The following SPATA22 variants were observed in gnomAD, a reference collection of about 807,000 sequenced individuals.
SPATA22 encodes the protein spermatogenesis associated 22.
SPATA22 carries 29 observed loss-of-function variants against 47.8 expected under a neutral mutation model. The ratio of observed to expected loss-of-function variants is 0.61; its 90% CI spans 0.45 to 0.83. The LOEUF (loss-of-function observed/expected upper bound fraction) is 0.83. SPATA22 is among the 40% of genes least tolerant of loss of function. The pLI, the probability that SPATA22 is intolerant of heterozygous loss-of-function variation, is 0.00. For missense variants in SPATA22, 410 were observed against 421.7 expected (o/e 0.97, Z 0.24); for synonymous variants, 133 against 140.9 (o/e 0.94, Z 0.40).
At chr17:3,462,210 T>A (rs930982367) in intron 5 of SPATA22, among the ~76,000 whole-genome samples, 3 of 152,228 alleles carry the variant, frequency 2.0e-5, no homozygotes, top group Non-Finnish European at 4.4e-5. Flanking sequence ...CATAAATTCA[T>A]AGCAATGAAT....
At chr17:3,458,394 C>T (rs922659867) in intron 5 of SPATA22, among the ~76,000 whole-genome samples, 1 of 151,502 alleles carries the variant, frequency 6.6e-6, no homozygotes, top group Admixed American at 6.6e-5. Flanking sequence ...CTTGATACAG[C>T]CATTATGAAA....
intron 1 of SPATA22, among the ~76,000 whole-genome samples, chr17:3,506,810 G>A (rs756063574): frequency 1.3e-5 from 2 of 152,138 alleles, no homozygotes; most frequent in Non-Finnish European, 2.9e-5. Context: ...GCTTGGTGGC[G>A]GGTGCCTGTA....
chr17:3,456,247 AT>A (rs1381729944), intron 5 of SPATA22, among the ~76,000 whole-genome samples: 3 of 151,780 alleles, frequency 2.0e-5, no homozygotes, highest in Non-Finnish European at 4.4e-5. Flanking sequence ...CAAAAAATTA[AT>A]GAATCCAGGA....
Position 3,485,559 on chromosome 17 carries a change from A to G in SPATA22, c.-73-16161T>C, listed in dbSNP as rs2073704084. ...ATACTAGCCATCTAACACTGGAAAT[A>G]CATACATTCATGAGCTTGTCCGGAG... On this transcript the variant is annotated intron_variant, in intron 1 of 8. Transcript: ENST00000541913. This position sits in a 1 kb window ranked among gnomAD's most constrained non-coding sequence, Gnocchi z 4.4. Among the ~76,000 whole-genome samples the G allele has an allele frequency of 6.6e-6, 1 of 152,186 alleles. No individual in the cohort carries two copies. The highest frequency in any genetic ancestry group is 2.1e-4 in the South Asian group (1 of 4,832).
intron 1 of SPATA22, among the ~76,000 whole-genome samples, chr17:3,503,651 AATCT>A (rs2074015511): frequency 6.6e-6 from 1 of 152,192 alleles, no homozygotes; most frequent in Non-Finnish European, 1.5e-5. Context: ...TATCAAGTCT[AATCT>A]TCCCTTTTAC....
chr17:3,487,006 TAGGAG>T (rs1166596675), intron 1 of SPATA22, among the ~76,000 whole-genome samples: 7 of 152,106 alleles, frequency 4.6e-5, no homozygotes, highest in Non-Finnish European at 1.0e-4. Context: ...CTGAGAAAGT[TAGGAG>T]AGGGCTGTGT....
intron 3 of SPATA22, among the ~76,000 whole-genome samples, chr17:3,465,006 CGGG>C (rs2073255648): frequency 2.9e-5 from 2 of 69,520 alleles, no homozygotes; most frequent in African/African-American, 6.7e-5. Flanking sequence ...CCGCTCCGTC[CGGG>C]AGGGAGGTGG....
upstream of SPATA22, chr17:3,475,957 A>G: frequency 1.7e-6 from 1 of 591,136 alleles, no homozygotes; most frequent in Non-Finnish European, 3.0e-6. Flanking sequence ...AATATGGCAA[A>G]GGGCAGGGCT....
rs1874839308 is a variant in SPATA22 at position 3,490,262 on chromosome 17, T to TA, written c.-73-20865dup. Reference sequence around the variant, plus strand: ...ATTATTTCTGTAATTAAAAATTAATTAAACGGGGACTGGTGGACAAGGTGG... The same window carrying TA: ...ATTATTTCTGTAATTAAAAATTAATTAAAACGGGGACTGGTGGACAAGGTGG... On this transcript the variant is annotated intron_variant, in intron 1 of 8. Transcript: ENST00000541913. This position sits in a 1 kb window ranked among gnomAD's most constrained non-coding sequence, Gnocchi z 4.6. 3.3e-5 allele frequency among the ~76,000 whole-genome samples: 5 copies of TA among 152,266 alleles called. No homozygotes were observed. The highest frequency in any genetic ancestry group is 1.2e-4 in the African/African-American group (5 of 41,546).
chr17:3,473,520 C>T (rs954199018), upstream of SPATA22, among the ~76,000 whole-genome samples: 6 of 152,084 alleles, frequency 3.9e-5, no homozygotes, highest in East Asian at 3.9e-4. Context: ...GTTTTTGAGA[C>T]GGAGTTTCGC....
chr17:3,469,282 C>T lies in SPATA22; in HGVS notation c.43+1G>A. 2.7e-6 allele frequency: 4 copies of T among 1,474,072 alleles called. 1 individual carries two copies. Among genetic ancestry groups the T allele is most frequent in the African/African-American group, 2.8e-5 (2 of 72,350 alleles). The allele number at this position is 1,474,072 out of a possible 1,614,324, so 91.3% of individuals were successfully genotyped here. A position where few individuals can be genotyped will look rare whatever the true frequency, so the allele number is the denominator to read the frequency against. On this transcript the variant is annotated splice_donor_variant, in intron 2 of 8. Coordinates refer to ENST00000572969, the MANE Select transcript of SPATA22 (RefSeq NM_001170698.2). LOFTEE classifies it high-confidence loss of function. ...TTTAAAAATAAAAAGTTGTTCAATA[C>T]CTGCTGTACTTCGAGCTGAATTTTC...
At chr17:3,456,760 G>A (rs1476250522) in intron 5 of SPATA22, among the ~76,000 whole-genome samples, 1 of 151,666 alleles carries the variant, frequency 6.6e-6, no homozygotes, top group Non-Finnish European at 1.5e-5. Context: ...GATAATTTTA[G>A]ACCAATATCC....
upstream of SPATA22, among the ~76,000 whole-genome samples, chr17:3,472,859 A>G (rs565668983): frequency 1.8e-4 from 28 of 152,374 alleles, no homozygotes; most frequent in African/African-American, 6.7e-4. Context: ...ATGTAGACTG[A>G]GACCAGATAA....
At chr17:3,442,943 G>C (rs1033513876) in intron 8 of SPATA22, among the ~76,000 whole-genome samples, 2 of 151,846 alleles carry the variant, frequency 1.3e-5, no homozygotes, top group Non-Finnish European at 2.9e-5. Context: ...AACTCTGAGA[G>C]AAAGAGCCAT....
intron 1 of SPATA22, among the ~76,000 whole-genome samples, chr17:3,495,664 G>A (rs2073896966): frequency 1.3e-5 from 2 of 152,204 alleles, no homozygotes; most frequent in South Asian, 2.1e-4. Flanking sequence ...CACCTCCCGG[G>A]TTCAAGCAAT....
In SPATA22 at chr17:3,440,082, A is replaced by C. The variant is rs1447505460; in HGVS notation, c.*65T>G. 1.9e-6 allele frequency: 2 copies of C among 1,029,550 alleles called. No homozygotes were observed. Among genetic ancestry groups the C allele is most frequent in the Non-Finnish European group, 2.7e-6 (2 of 733,484 alleles). 63.8% of individuals were successfully genotyped at this position (1,029,550 alleles called of 1,614,324 possible). Reference sequence around the variant, plus strand: ...TACAATAGTAGCTATAAAACTATGGAGATGGTAAATTAAGCAATAACAGAA... The same window carrying C: ...TACAATAGTAGCTATAAAACTATGGCGATGGTAAATTAAGCAATAACAGAA... On this transcript the variant is annotated 3_prime_UTR_variant, in exon 9 of 9. Coordinates refer to ENST00000572969, the MANE Select transcript of SPATA22 (RefSeq NM_001170698.2).
intron 1 of SPATA22, among the ~76,000 whole-genome samples, chr17:3,470,934 C>T (rs187675212): frequency 6.6e-6 from 1 of 151,914 alleles, no homozygotes; most frequent in East Asian, 2.0e-4. Flanking sequence ...GCAAGTGGGT[C>T]ACCTGAGGTC....
chr17:3,499,812 T>C (rs1481722224), intron 1 of SPATA22: 2 of 152,196 alleles, frequency 1.3e-5, no homozygotes, highest in Non-Finnish European at 2.9e-5. Flanking sequence ...TACAGCAGAC[T>C]CTGTGTGTTC....
intron 3 of SPATA22, among the ~76,000 whole-genome samples, chr17:3,467,143 G>A (rs1366455277): frequency 6.6e-6 from 1 of 151,906 alleles, no homozygotes. Context: ...ATATCCACGT[G>A]AATTTTGACA....
Sources: allele counts gnomAD v4.1 joint callset (sites outside exome capture counted in the v4.1 genomes callset), GRCh38; gene constraint gnomAD v4.1.1; non-coding constraint Gnocchi (gnomAD v3.1); transcripts MANE v1.5; gene names NCBI Gene and HGNC (gene_info 2026-07-23, HGNC 2026-07-21).